The following POLR3B variants were observed in gnomAD, a reference collection of about 807,000 sequenced individuals.
POLR3B encodes RNA polymerase III subunit B.
A neutral mutation model predicts 147.4 loss-of-function variants in POLR3B; 96 were observed. The ratio of observed to expected loss-of-function variants is 0.65; its 90% CI spans 0.55 to 0.77. POLR3B has a LOEUF of 0.77. POLR3B is among the 30% of genes least tolerant of loss of function. The pLI is 0.00. For missense variants in POLR3B, 1,036 were observed against 1,413.5 expected, an observed-to-expected ratio of 0.73 and a Z score of 4.28; for synonymous variants, 461 against 485.9, an observed-to-expected ratio of 0.95 and a Z score of 0.67.
At chr12:106,369,513 G>A in intron 5 of POLR3B, 70 bp from the exon 6 acceptor site, 2 of 1,063,272 alleles carry the variant, frequency 1.9e-6, no homozygotes, top group Non-Finnish European at 3.0e-6. Context: ...TACAGAAGGA[G>A]CACTTTGAAG....
chr12:106,475,024 C>T (rs2038146158), intron 23 of POLR3B, among the ~76,000 whole-genome samples: 1 of 131,610 alleles, frequency 7.6e-6, no homozygotes, highest in South Asian at 2.5e-4. Context: ...TTTCCCTCTA[C>T]ACACTGCTTT....
At position 106,376,406 on chromosome 12, in the gene POLR3B, C is replaced by T. The variant is rs145075371; in HGVS notation, c.452C>T (p.Thr151Met). 63 of 1,613,454 alleles carry T rather than the reference C, an allele frequency of 3.9e-5. No individual in the cohort carries two copies. The highest frequency in any genetic ancestry group is 1.0e-4 in the Admixed American group (6 of 59,984). ...RSSNCVLTGK[T>M]PAEFAKLNEC... Reference sequence around the variant, plus strand: ...TCAAACTGTGTTCTTACAGGAAAAACGCCAGCAGAATTTGCCAAACTGAAC... The same window carrying T: ...TCAAACTGTGTTCTTACAGGAAAAATGCCAGCAGAATTTGCCAAACTGAAC... Residue 151 changes from threonine to methionine, a missense_variant, in exon 7 of 28, where the codon ACG becomes ATG. Thr to Met is a moderately conservative substitution (Grantham distance 81). This residue lies in a region of POLR3B where 217 missense variants were observed against 288.7 expected (regional missense o/e 0.75). Transcript: ENST00000228347.
At chr12:106,395,378 G>A (rs2036965552) in intron 10 of POLR3B, among the ~76,000 whole-genome samples, 1 of 152,192 alleles carries the variant, frequency 6.6e-6, no homozygotes, top group Non-Finnish European at 1.5e-5. Flanking sequence ...GGGGCAAGGT[G>A]TCTCATATAG....
chr12:106,357,807 G>T lies in POLR3B; in HGVS notation c.-73G>T. The T allele has an allele frequency of 6.9e-7, 1 of 1,439,688 alleles. No homozygotes were observed. The highest frequency in any genetic ancestry group is 1.2e-5 in the South Asian group (1 of 83,682). 89.2% of individuals were successfully genotyped at this position (1,439,688 alleles called of 1,614,324 possible). A position where few individuals can be genotyped will look rare whatever the true frequency, so the allele number is the denominator to read the frequency against. On this transcript the variant is annotated 5_prime_UTR_variant, in exon 1 of 28. Coordinates refer to ENST00000228347, the MANE Select transcript of POLR3B (RefSeq NM_018082.6). ...GGCCTCCGCGCACCGTTCGCCGGGA[G>T]TCTTGCAGTTTGCTTGGTGCAGGGA...
At chr12:106,422,904 C>T (rs764569069) in intron 12 of POLR3B, among the ~76,000 whole-genome samples, 11 of 152,054 alleles carry the variant, frequency 7.2e-5, no homozygotes, top group African/African-American at 1.2e-4. Context: ...GGAGAAGATT[C>T]GTAATCTTAA....
In POLR3B at chr12:106,500,605, G is replaced by A. The variant is rs116941458; in HGVS notation, c.2985-718G>A. Among the ~76,000 whole-genome samples the A allele has an allele frequency of 6.8e-4, 104 of 152,356 alleles. 1 individual carries two copies. The East Asian group carries it at 0.02, about 29-fold the overall frequency. On this transcript the variant is annotated intron_variant, in intron 25 of 27. Transcript: ENST00000228347. ...AGGACTTCTTTAGATGTGGTATTCA[G>A]TGAAAGTCTCTCTGAGCAGGTGAAA...
At chr12:106,383,491 A>G (rs750518200) in intron 9 of POLR3B, among the ~76,000 whole-genome samples, 1 of 151,996 alleles carries the variant, frequency 6.6e-6, no homozygotes, top group African/African-American at 2.4e-5. Context: ...TTAAGAAGCC[A>G]TTCTTGGGTT....
intron 23 of POLR3B, among the ~76,000 whole-genome samples, chr12:106,485,956 T>A (rs750511167): frequency 6.6e-6 from 1 of 152,208 alleles, no homozygotes; most frequent in Non-Finnish European, 1.5e-5. Flanking sequence ...ATCCTTTAAC[T>A]GGTACAGTTC....
At chr12:106,464,698 G>T (rs1310652123) in intron 23 of POLR3B, among the ~76,000 whole-genome samples, 1 of 151,958 alleles carries the variant, frequency 6.6e-6, no homozygotes, top group African/African-American at 2.4e-5. Flanking sequence ...TTTCTACCTT[G>T]ACTCTCACAT....
rs1037157214 is a variant in POLR3B, at chr12:106,510,170, A to G, written c.*621A>G. 6.5e-6 allele frequency: 1 copy of G among 154,776 alleles called. No individual in the cohort carries two copies. Among genetic ancestry groups the G allele is most frequent in the African/African-American group, 2.4e-5 (1 of 41,470 alleles). 9.6% of individuals were successfully genotyped at this position (154,776 alleles called of 1,614,324 possible). A position where few individuals can be genotyped will look rare whatever the true frequency, so the allele number is the denominator to read the frequency against. On this transcript the variant is annotated 3_prime_UTR_variant, in exon 28 of 28. Transcript: ENST00000228347. ...TTAAACCTGCATGATTGTACCATGC[A>G]ATACTATTCGTTAAATATCTGAATC...
intron 10 of POLR3B, among the ~76,000 whole-genome samples, chr12:106,398,354 C>G (rs1034157021): frequency 5.0e-4 from 76 of 152,316 alleles, no homozygotes; most frequent in African/African-American, 1.8e-3. Context: ...CTGGGTGGAG[C>G]CCACCACAGC....
At chr12:106,413,929 A>G (rs977831627) in intron 12 of POLR3B, among the ~76,000 whole-genome samples, 1 of 151,780 alleles carries the variant, frequency 6.6e-6, no homozygotes, top group Non-Finnish European at 1.5e-5. Flanking sequence ...TTGGTAATTT[A>G]TTGGTTTTGC....
intron 4 of POLR3B, 31 bp downstream of exon 4, chr12:106,366,753 T>C (rs1340100004): frequency 6.7e-7 from 1 of 1,499,286 alleles, no homozygotes; most frequent in African/African-American, 1.4e-5. Flanking sequence ...ATTTGCTATG[T>C]GGGTTACATC....
chr12:106,427,188 T>C lies in POLR3B; in HGVS notation c.1102-9T>C. On this transcript the variant is annotated splice_polypyrimidine_tract_variant and intron_variant, in intron 12 of 27. Transcript: ENST00000228347. ...AAAAATCACCATATACCTTTTTTTT[T>C]TTTTTTAGCTTTTATCTCTTCTTTT... 1 of 1,478,210 alleles carries C rather than the reference T, an allele frequency of 6.8e-7. No homozygotes were observed. The highest frequency in any genetic ancestry group is 9.2e-7 in the Non-Finnish European group (1 of 1,086,444). 91.6% of individuals were successfully genotyped at this position (1,478,210 alleles called of 1,614,324 possible).
Position 106,408,939 on chromosome 12 carries a change from G to A in POLR3B, c.967-1887G>A, listed in dbSNP as rs533314955. Among the ~76,000 whole-genome samples, 4 of 152,294 alleles carry A rather than the reference G, an allele frequency of 2.6e-5. No homozygotes were observed. In the South Asian group the frequency reaches 8.3e-4, roughly 32 times the overall value. Reference sequence around the variant, plus strand: ...TGAGTTAGAGTTCAATCCCAAGGGGGTGATGGACTGTACCTCTAATCGAGT... The same window carrying A: ...TGAGTTAGAGTTCAATCCCAAGGGGATGATGGACTGTACCTCTAATCGAGT... On this transcript the variant is annotated intron_variant, in intron 11 of 27. Transcript: ENST00000228347.
Position 106,509,447 on chromosome 12 carries a change from C to T in POLR3B, c.3300C>T (p.His1100=). The change falls in exon 28 of 28, where the codon CAC becomes CAT. Residue 1100 remains histidine, a synonymous_variant. Coordinates refer to ENST00000228347, the MANE Select transcript of POLR3B (RefSeq NM_018082.6). The part of the protein sequence containing the change: ...GWCHYCKSSC[H]VSSLRIPYAC... ...GCCATTACTGCAAGTCATCCTGCCACGTGTCTTCCCTCCGTATTCCGTATG... is the reference window on the plus strand; with the variant it reads ...GCCATTACTGCAAGTCATCCTGCCATGTGTCTTCCCTCCGTATTCCGTATG... The T allele has an allele frequency of 1.9e-6, 3 of 1,613,800 alleles. No homozygotes were observed. The highest frequency in any genetic ancestry group is 2.5e-6 in the Non-Finnish European group (3 of 1,179,750).
At chr12:106,414,479 T>TAGG (rs2037274710) in intron 12 of POLR3B, among the ~76,000 whole-genome samples, 2 of 152,088 alleles carry the variant, frequency 1.3e-5, no homozygotes, top group South Asian at 4.1e-4. Flanking sequence ...TAAGTCTTCT[T>TAGG]ACATGATTCT....
intron 11 of POLR3B, 22 bp from the exon 12 acceptor site, chr12:106,410,804 T>G: frequency 6.2e-7 from 1 of 1,611,648 alleles, no homozygotes; most frequent in Non-Finnish European, 8.5e-7. Context: ...CTCAAAATTT[T>G]TCTCCAATTT....
At chr12:106,374,900 T>G (rs954635665) in intron 6 of POLR3B, among the ~76,000 whole-genome samples, 3 of 152,204 alleles carry the variant, frequency 2.0e-5, no homozygotes, top group Admixed American at 2.0e-4. Context: ...CACACATTAG[T>G]TTCCATTTTC....
Sources: gnomAD v4.1 joint callset for allele counts (sites outside exome capture counted in the v4.1 genomes callset) on GRCh38, gnomAD v4.1.1 for gene constraint, gnomAD v4.1.1 regional missense constraint, MANE v1.5 for transcripts, NCBI Gene and HGNC (gene_info 2026-07-23, HGNC 2026-07-21) for gene names.